Variants in MYT1L observed in about 807,000 individuals in gnomAD.
MYT1L encodes myelin transcription factor 1-like protein.
MYT1L carries 12 observed loss-of-function variants against 126.7 expected under a neutral mutation model. That is an observed-to-expected ratio of 0.09 (90% confidence interval 0.06 to 0.15). MYT1L has a LOEUF of 0.15. Ranked by LOEUF, MYT1L falls within the 10% of genes least tolerant of loss-of-function variation. MYT1L has a pLI of 1.00. For synonymous variants in MYT1L, 541 were observed against 604.2 expected, an observed-to-expected ratio of 0.90 and a Z score of 1.53; for missense variants, 979 against 1,585.2, an observed-to-expected ratio of 0.62 and a Z score of 6.49.
chr2:2,269,087 G>T (rs1172899418), intron 2 of MYT1L, among the ~76,000 whole-genome samples: 1 of 152,090 alleles, frequency 6.6e-6, no homozygotes, highest in Non-Finnish European at 1.5e-5. Flanking sequence ...CCCAGGCCTG[G>T]GCTGGGGCTC....
At position 1,886,616 on chromosome 2, in the gene MYT1L, C is replaced by T; in HGVS notation, c.2643-9G>A. ...GGGGGCAGCCAGACAGACTGTAAGA[C>T]AGGCCGGGACAGGCAGGTCAGTCAA... On this transcript the variant is annotated splice_polypyrimidine_tract_variant and intron_variant, in intron 17 of 24. Transcript: ENST00000647738. The T allele has an allele frequency of 6.5e-7, 1 of 1,545,618 alleles. No homozygotes were observed. Among genetic ancestry groups the T allele is most frequent in the Non-Finnish European group, 8.7e-7 (1 of 1,146,832 alleles).
At chr2:2,111,766 G>A (rs1380615101) in intron 3 of MYT1L, among the ~76,000 whole-genome samples, 1 of 152,134 alleles carries the variant, frequency 6.6e-6, no homozygotes, top group Non-Finnish European at 1.5e-5. Flanking sequence ...AAACGTGCAG[G>A]AAAAAAAGGA....
intron 3 of MYT1L, among the ~76,000 whole-genome samples, chr2:2,105,927 T>C (rs184151629): frequency 6.6e-6 from 1 of 152,226 alleles, no homozygotes; most frequent in African/African-American, 2.4e-5. Context: ...GTGTGATGCA[T>C]TTTTATTCCC....
intron 3 of MYT1L, among the ~76,000 whole-genome samples, chr2:2,145,325 G>T (rs2084715071): frequency 6.6e-6 from 1 of 152,210 alleles, no homozygotes; most frequent in African/African-American, 2.4e-5. Flanking sequence ...AATGGAATCA[G>T]CAATGCATCT....
chr2:2,249,812 C>T (rs1173669311), intron 2 of MYT1L, among the ~76,000 whole-genome samples: 1 of 151,982 alleles, frequency 6.6e-6, no homozygotes, highest in Non-Finnish European at 1.5e-5. Context: ...ATATATAAAG[C>T]TCAAACAACT....
intron 1 of MYT1L, among the ~76,000 whole-genome samples, chr2:2,288,970 A>T (rs1559561945): frequency 6.6e-6 from 1 of 152,244 alleles, no homozygotes; most frequent in Non-Finnish European, 1.5e-5. Context: ...TCCTGTTAAA[A>T]ATGTTCTACC....
At chr2:2,290,405 G>C (rs115883460) in intron 1 of MYT1L, among the ~76,000 whole-genome samples, 142 of 152,274 alleles carry the variant, frequency 9.3e-4, no homozygotes, top group Admixed American at 2.1e-3. Flanking sequence ...CTAGCGTGCT[G>C]TGTGCTTTAT....
chr2:2,110,911 G>A (rs1023726129), intron 3 of MYT1L, among the ~76,000 whole-genome samples: 7 of 152,158 alleles, frequency 4.6e-5, no homozygotes, highest in Non-Finnish European at 4.4e-5. Context: ...ACCCCAGGGC[G>A]GGCCCTGGAG....
At chr2:2,284,569 G>A (rs1355409330) in intron 1 of MYT1L, 66 bp from the exon 2 acceptor site, 1 of 152,134 alleles carries the variant, frequency 6.6e-6, no homozygotes, top group Non-Finnish European at 1.5e-5. Flanking sequence ...GAGTTAATGG[G>A]AATGGATAGT....
intron 15 of MYT1L, among the ~76,000 whole-genome samples, chr2:1,890,200 G>A (rs1288452699): frequency 2.0e-5 from 3 of 151,922 alleles, no homozygotes; most frequent in African/African-American, 7.3e-5. Flanking sequence ...TTCCCAAGTA[G>A]CTGGGACTGC....
At position 2,025,374 on chromosome 2, in the gene MYT1L, C is replaced by T. The variant is rs17039279; in HGVS notation, c.-157-28027G>A. Among the ~76,000 whole-genome samples, 1,031 of 152,334 alleles carry T rather than the reference C, an allele frequency of 6.8e-3. 9 individuals carry two copies. The highest frequency in any genetic ancestry group is 0.024 in the African/African-American group (979 of 41,572). ...ACTGTGATTCCCGTTTATCAGTCTA[C>T]AGGGTCCTTGAATGTGAGGGCTGTG... On this transcript the variant is annotated intron_variant, in intron 4 of 24. Transcript: ENST00000647738.
chr2:1,807,286 C>T (rs1448799445), intron 22 of MYT1L, among the ~76,000 whole-genome samples: 3 of 152,312 alleles, frequency 2.0e-5, no homozygotes, highest in East Asian at 1.9e-4. Context: ...ACACGTGGGA[C>T]GTTCAGGCGT....
chr2:1,822,585 T>A (rs7603136), intron 21 of MYT1L, among the ~76,000 whole-genome samples: 1 of 152,190 alleles, frequency 6.6e-6, no homozygotes, highest in African/African-American at 2.4e-5. Flanking sequence ...GGCAGAAGTG[T>A]GGCCTACAGC....
Position 1,892,043 on chromosome 2 carries a change from G to A in MYT1L, c.2277C>T (p.Ala759=). 1 of 1,528,702 alleles carries A rather than the reference G, an allele frequency of 6.5e-7. No homozygotes were observed. Among genetic ancestry groups the A allele is most frequent in the Non-Finnish European group, 8.8e-7 (1 of 1,139,108 alleles). 94.7% of individuals were successfully genotyped at this position (1,528,702 alleles called of 1,614,324 possible). The change falls in exon 15 of 25, where the codon GCC becomes GCT. Residue 759 remains alanine (A), a synonymous_variant. Transcript: ENST00000647738. ...NLSTKPQDLC[A]TRNPDMEVDE... is the part of the protein sequence containing the mutation. ...CCTGCCCAGGCGCGCGTACCCGCGT[G>A]GCGCACAGGTCCTGCGGCTTGGTGC... is the stretch of plus-strand genomic sequence containing the variant.
At chr2:2,051,993 C>T (rs1269600329) in intron 4 of MYT1L, among the ~76,000 whole-genome samples, 2 of 151,896 alleles carry the variant, frequency 1.3e-5, no homozygotes, top group African/African-American at 4.8e-5. Flanking sequence ...ATAGCCAAAA[C>T]TATATTGAAA....
intron 21 of MYT1L, among the ~76,000 whole-genome samples, chr2:1,834,125 A>T (rs2040523717): frequency 6.6e-6 from 1 of 152,248 alleles, no homozygotes; most frequent in South Asian, 2.1e-4. Flanking sequence ...AGAGAAATAA[A>T]ACAGGCAACT....
chr2:2,178,088 T>C (rs1000386520), intron 2 of MYT1L, among the ~76,000 whole-genome samples: 4 of 152,156 alleles, frequency 2.6e-5, no homozygotes, highest in African/African-American at 9.6e-5. Context: ...TTATTTTATA[T>C]AAACAGACTG....
chr2:1,891,965 G>A (rs1413768278), intron 15 of MYT1L, 72 bp downstream of exon 15: 2 of 1,443,614 alleles, frequency 1.4e-6, no homozygotes, highest in South Asian at 2.9e-5. Flanking sequence ...AGCGCCGCGT[G>A]TCTCGGTGGC....
chr2:2,138,782 C>T (rs1289866297), intron 3 of MYT1L, among the ~76,000 whole-genome samples: 3 of 144,372 alleles, frequency 2.1e-5, no homozygotes, highest in African/African-American at 5.2e-5. Flanking sequence ...CAGCATGGCA[C>T]ATGTATACAT....
Sources: gnomAD v4.1 joint callset for allele counts (sites outside exome capture counted in the v4.1 genomes callset) on GRCh38, gnomAD v4.1.1 for gene constraint, MANE v1.5 for transcripts, NCBI Gene and HGNC (gene_info 2026-07-23, HGNC 2026-07-21) for gene names.